Variants in SCRG1 observed in about 807,000 individuals in gnomAD.
SCRG1 encodes stimulator of chondrogenesis 1, also known as scrapie-responsive protein 1.
In SCRG1, 3 loss-of-function variants were observed where a neutral mutation model predicts 7.7. The observed-to-expected ratio is 0.39, with a 90% CI of 0.18 to 1.01. SCRG1 has a LOEUF of 1.01. Among genes scored for constraint, SCRG1 ranks in the 50% least tolerant of loss-of-function variants. SCRG1 has a pLI of 0.36. For synonymous variants in SCRG1, 46 were observed against 41.2 expected, an observed-to-expected ratio of 1.12 and a Z score of -0.44; for missense variants, 110 against 117.2, an observed-to-expected ratio of 0.94 and a Z score of 0.28.
chr4:173,517,924 T>C, the SCRG1 span, among the ~76,000 whole-genome samples: 1 of 152,224 alleles, frequency 6.6e-6, no homozygotes, highest in African/African-American at 2.4e-5. Flanking sequence ...GAGGAGCTCC[T>C]CCCGGACCTC....
At chr4:173,424,583 A>G in the SCRG1 span, among the ~76,000 whole-genome samples, 4 of 152,300 alleles carry the variant, frequency 2.6e-5, no homozygotes, top group African/African-American at 9.6e-5. Flanking sequence ...TACTATATGC[A>G]AGGCCATTTT....
At chr4:173,397,482 T>C (rs978689580) in intron 1 of SCRG1, among the ~76,000 whole-genome samples, 3 of 152,230 alleles carry the variant, frequency 2.0e-5, no homozygotes, top group Admixed American at 6.5e-5. Context: ...TTTTATGTAA[T>C]TAACATTGTT....
chr4:173,493,302 C>T, the SCRG1 span, among the ~76,000 whole-genome samples: 1 of 152,088 alleles, frequency 6.6e-6, no homozygotes, highest in Non-Finnish European at 1.5e-5. Flanking sequence ...CCCTCTTGCT[C>T]TCTCCCTCTC....
At chr4:173,414,687 C>A in the SCRG1 span, among the ~76,000 whole-genome samples, 1 of 152,238 alleles carries the variant, frequency 6.6e-6, no homozygotes, top group Non-Finnish European at 1.5e-5. Context: ...TTCTTGTCAG[C>A]TGTGTTCACA....
At chr4:173,498,584 G>A in the SCRG1 span, among the ~76,000 whole-genome samples, 2 of 152,226 alleles carry the variant, frequency 1.3e-5, no homozygotes, top group South Asian at 4.1e-4. Flanking sequence ...CAGGGTTCCA[G>A]TGTTGGCTTT....
upstream of SCRG1, among the ~76,000 whole-genome samples, chr4:173,409,588 CT>C (rs372218375): frequency 2.6e-4 from 34 of 133,286 alleles, no homozygotes; most frequent in African/African-American, 3.7e-4. Flanking sequence ...TCCCTGCATA[CT>C]TTTTTTTTTT....
the SCRG1 span, among the ~76,000 whole-genome samples, chr4:173,476,363 A>AATGT: frequency 1.0e-5 from 1 of 98,484 alleles, no homozygotes; most frequent in Non-Finnish European, 2.3e-5. Flanking sequence ...GGAAAAAAAA[A>AATGT]ATATATATAT....
At chr4:173,509,683 G>C in the SCRG1 span, among the ~76,000 whole-genome samples, 15 of 152,180 alleles carry the variant, frequency 9.9e-5, no homozygotes, top group East Asian at 2.7e-3. The surrounding 1 kb of genome is among the most constrained non-coding windows in gnomAD (Gnocchi z 5.7). Context: ...CCGGGAGCGC[G>C]GACTCGGGGT....
chr4:173,414,939 G>A, the SCRG1 span, among the ~76,000 whole-genome samples: 9 of 152,220 alleles, frequency 5.9e-5, no homozygotes, highest in Admixed American at 1.3e-4. Context: ...TTGGTAACCA[G>A]TAGTTTTTGC....
At chr4:173,395,739 C>T (rs1241554502) in intron 1 of SCRG1, among the ~76,000 whole-genome samples, 2 of 152,172 alleles carry the variant, frequency 1.3e-5, no homozygotes, top group African/African-American at 4.8e-5. Flanking sequence ...TCATTGTCAG[C>T]ATTTTTATAA....
the SCRG1 span, among the ~76,000 whole-genome samples, chr4:173,490,773 G>A: frequency 1.3e-5 from 2 of 152,170 alleles, no homozygotes; most frequent in African/African-American, 4.8e-5. Flanking sequence ...AAGATACAAA[G>A]AGTAATACAG....
the SCRG1 span, among the ~76,000 whole-genome samples, chr4:173,449,540 G>T: frequency 1.3e-5 from 2 of 150,690 alleles, no homozygotes; most frequent in African/African-American, 4.9e-5. Context: ...TGCTGCTCTG[G>T]CACTGGCCTC....
At chr4:173,472,434 G>T in the SCRG1 span, among the ~76,000 whole-genome samples, 1 of 152,204 alleles carries the variant, frequency 6.6e-6, no homozygotes, top group African/African-American at 2.4e-5. Flanking sequence ...TAAGAAATTT[G>T]CTCATGTGAT....
upstream of SCRG1, among the ~76,000 whole-genome samples, chr4:173,401,704 T>C (rs1739766648): frequency 6.6e-6 from 1 of 152,234 alleles, no homozygotes; most frequent in Non-Finnish European, 1.5e-5. Flanking sequence ...GATCTAATCA[T>C]CTCTGGATCA....
the SCRG1 span, among the ~76,000 whole-genome samples, chr4:173,515,889 G>A: frequency 6.6e-6 from 1 of 152,234 alleles, no homozygotes; most frequent in Non-Finnish European, 1.5e-5. This position sits in a 1 kb window ranked among gnomAD's most constrained non-coding sequence, Gnocchi z 4.6. Context: ...ACTCAGAGAA[G>A]TGTATTAGTT....
the SCRG1 span, among the ~76,000 whole-genome samples, chr4:173,506,099 A>C: frequency 1.3e-5 from 2 of 152,148 alleles, no homozygotes; most frequent in Admixed American, 6.5e-5. This position sits in a 1 kb window ranked among gnomAD's most constrained non-coding sequence, Gnocchi z 5.3. Flanking sequence ...TTCAGTTTAA[A>C]TCTCAAACCC....
At chr4:173,431,964 A>G in the SCRG1 span, among the ~76,000 whole-genome samples, 1 of 152,234 alleles carries the variant, frequency 6.6e-6, no homozygotes, top group South Asian at 2.1e-4. Flanking sequence ...TTAAATAAAT[A>G]AAATCAATTC....
chr4:173,508,176 G>A, the SCRG1 span, among the ~76,000 whole-genome samples: 1 of 152,156 alleles, frequency 6.6e-6, no homozygotes, highest in Non-Finnish European at 1.5e-5. This position sits in a 1 kb window ranked among gnomAD's most constrained non-coding sequence, Gnocchi z 4.4. Flanking sequence ...CCCTCCTCCC[G>A]CCTAAATGTA....
At chr4:173,407,399 T>C (rs1739937358), upstream of SCRG1, among the ~76,000 whole-genome samples, 1 of 150,778 alleles carries the variant, frequency 6.6e-6, no homozygotes, top group African/African-American at 2.4e-5. Context: ...CCGCACATGG[T>C]GGCCAGCGCC....
Sources: allele counts gnomAD v4.1 joint callset (sites outside exome capture counted in the v4.1 genomes callset), GRCh38; gene constraint gnomAD v4.1.1; non-coding constraint Gnocchi (gnomAD v3.1); transcripts MANE v1.5; gene names NCBI Gene and HGNC (gene_info 2026-07-23, HGNC 2026-07-21).